The following BTC variants were observed in gnomAD, a reference collection of about 807,000 sequenced individuals.
BTC encodes probetacellulin.
Under a neutral mutation model 18.1 loss-of-function variants are expected in BTC, and 13 were observed. That is an observed-to-expected ratio of 0.72 (90% CI 0.47 to 1.14). The LOEUF is 1.14. BTC is among the 50% of genes most tolerant of loss of function. The pLI, the probability that BTC is intolerant of heterozygous loss-of-function variation, is 0.00. For synonymous variants in BTC, 83 were observed against 79.4 expected, an observed-to-expected ratio of 1.05 and a Z score of -0.24; for missense variants, 247 against 224.2, an observed-to-expected ratio of 1.10 and a Z score of -0.65.
At chr4:74,765,817 G>T (rs1257637813) in intron 2 of BTC, among the ~76,000 whole-genome samples, 1 of 152,096 alleles carries the variant, frequency 6.6e-6, no homozygotes, top group African/African-American at 2.4e-5. Context: ...AGGCCAGAAA[G>T]GATGATATAT....
intron 3 of BTC, among the ~76,000 whole-genome samples, chr4:74,755,597 C>T (rs1307362062): frequency 6.6e-6 from 1 of 152,208 alleles, no homozygotes; most frequent in Non-Finnish European, 1.5e-5. Flanking sequence ...ATCAGTTCTG[C>T]TTGCGCAAGA....
chr4:74,756,077 G>A (rs1724589975), intron 2 of BTC, 101 bp from the exon 3 acceptor site: 1 of 1,084,250 alleles, frequency 9.2e-7, no homozygotes, highest in Non-Finnish European at 1.4e-6. Context: ...TGTAGAATAT[G>A]TTTGAATCTC....
At chr4:74,774,480 A>G (rs1328231346) in intron 1 of BTC, among the ~76,000 whole-genome samples, 1 of 152,156 alleles carries the variant, frequency 6.6e-6, no homozygotes, top group Non-Finnish European at 1.5e-5. Context: ...AAGATCTGCT[A>G]TTTACTGTTA....
chr4:74,772,500 C>T (rs62316316), intron 1 of BTC, among the ~76,000 whole-genome samples: 9,937 of 151,948 alleles, frequency 0.065, 420 homozygotes, highest in Middle Eastern at 0.099. Flanking sequence ...AATCTATAAA[C>T]GAACAAGAAA....
chr4:74,765,721 A>G (rs1353852632), intron 2 of BTC, among the ~76,000 whole-genome samples: 1 of 152,190 alleles, frequency 6.6e-6, no homozygotes, highest in Non-Finnish European at 1.5e-5. Flanking sequence ...TAAACAGACA[A>G]TTTTGAAAGG....
intron 1 of BTC, among the ~76,000 whole-genome samples, chr4:74,780,909 T>TTA (rs1553958924): frequency 3.3e-5 from 5 of 151,228 alleles, no homozygotes; most frequent in African/African-American, 1.2e-4. Flanking sequence ...TTTTTTTTTT[T>TTA]AATTTTATTA....
chr4:74,768,534 CT>C (rs1724958398), intron 2 of BTC, among the ~76,000 whole-genome samples: 1 of 152,100 alleles, frequency 6.6e-6, no homozygotes, highest in African/African-American at 2.4e-5. Context: ...AATGCCTCTA[CT>C]TATATGAGGC....
intron 1 of BTC, 67 bp downstream of exon 1, chr4:74,794,195 T>A (rs1725709389): frequency 2.6e-6 from 4 of 1,540,436 alleles, no homozygotes; most frequent in Non-Finnish European, 3.5e-6. Flanking sequence ...GGTTCAGGGT[T>A]CGCCCTCCCC....
At chr4:74,759,768 C>T (rs981558913) in intron 2 of BTC, among the ~76,000 whole-genome samples, 1 of 152,036 alleles carries the variant, frequency 6.6e-6, no homozygotes, top group Admixed American at 6.6e-5. Context: ...TTAGATCACA[C>T]AGCAATTAGA....
intron 1 of BTC, among the ~76,000 whole-genome samples, chr4:74,779,476 T>A (rs1226054269): frequency 2.0e-5 from 3 of 152,160 alleles, no homozygotes; most frequent in African/African-American, 4.8e-5. Flanking sequence ...TGATTCCCAT[T>A]CCTTTATAAT....
intron 4 of BTC, among the ~76,000 whole-genome samples, chr4:74,749,551 C>G (rs982254970): frequency 6.6e-6 from 1 of 151,130 alleles, no homozygotes; most frequent in Non-Finnish European, 1.5e-5. Flanking sequence ...GCTTTTTTCC[C>G]TAGCACATTG....
chr4:74,774,900 A>G (rs1725137858), intron 1 of BTC, among the ~76,000 whole-genome samples: 1 of 152,126 alleles, frequency 6.6e-6, no homozygotes. Flanking sequence ...CTAAACCAGG[A>G]TGATAGCACC....
chr4:74,790,095 C>T (rs1008377553), intron 1 of BTC, among the ~76,000 whole-genome samples: 2 of 152,180 alleles, frequency 1.3e-5, no homozygotes, highest in Non-Finnish European at 2.9e-5. Flanking sequence ...TTATCTATTA[C>T]CTATTTCATA....
At chr4:74,769,936 A>C (rs1350748633) in intron 2 of BTC, 122 bp downstream of exon 2, 1 of 746,010 alleles carries the variant, frequency 1.3e-6, no homozygotes, top group Non-Finnish European at 2.2e-6. Context: ...TACTGTATAT[A>C]AAGCACTTAG....
In BTC at chr4:74,770,077, G is replaced by T. The variant is rs373121687; in HGVS notation, c.144C>A (p.Asp48Glu). 12 of 1,611,008 alleles carry T rather than the reference G, an allele frequency of 7.4e-6. No individual in the cohort carries two copies. In the African/African-American group the frequency reaches 1.5e-4, roughly 20 times the overall value. Residue 48 changes from aspartate (D) to glutamate (E), a missense_variant, in exon 2 of 6, where the codon GAC (aspartate) becomes GAA (glutamate). Physicochemically the swap from Asp to Glu is conservative, Grantham distance 45. Coordinates refer to ENST00000395743, the MANE Select transcript of BTC (RefSeq NM_001729.4). ...CTTTACCTGCACAGTTTTCCTCAGG[G>T]TCTCCACAGAGGAGGCCATTAGTTT... ...SPETNGLLCGDPEENCAATTT... is the reference protein window; with the variant it reads ...SPETNGLLCGEPEENCAATTT...
chr4:74,748,036 T>C lies in BTC; in HGVS notation c.*1+4A>G. ...TTTTCTATCAGCAAGTTTATCTCAC[T>C]TACTTTAAGCAATATTTGTCTCTTC... On this transcript the variant is annotated splice_donor_region_variant and intron_variant, in intron 5 of 5. Coordinates refer to ENST00000395743, the MANE Select transcript of BTC (RefSeq NM_001729.4). 6.5e-7 allele frequency: 1 copy of C among 1,549,010 alleles called. No individual in the cohort carries two copies. The highest frequency in any genetic ancestry group is 8.8e-7 in the Non-Finnish European group (1 of 1,130,838).
chr4:74,793,327 C>T (rs554086437), intron 1 of BTC, among the ~76,000 whole-genome samples: 3 of 152,260 alleles, frequency 2.0e-5, no homozygotes, highest in African/African-American at 7.2e-5. Context: ...TTCATTTAGG[C>T]TCCCCCTCTC....
chr4:74,769,966 A>C, intron 2 of BTC, 92 bp downstream of exon 2: 6 of 1,070,700 alleles, frequency 5.6e-6, no homozygotes, highest in South Asian at 4.3e-5. Context: ...TGGTACCTTA[A>C]TATATGTTCA....
intron 1 of BTC, among the ~76,000 whole-genome samples, chr4:74,778,016 C>T (rs1725222066): frequency 6.6e-6 from 1 of 150,698 alleles, no homozygotes. Flanking sequence ...CAAAAAGAGA[C>T]CCTATCTAAC....
Sources: allele counts gnomAD v4.1 joint callset (sites outside exome capture counted in the v4.1 genomes callset), GRCh38; gene constraint gnomAD v4.1.1; transcripts MANE v1.5; gene names NCBI Gene and HGNC (gene_info 2026-07-23, HGNC 2026-07-21).